The following NALF1 variants were observed in gnomAD, a reference collection of about 807,000 sequenced individuals.
The protein encoded by NALF1 is NALCN channel auxiliary factor 1, also known as family with sequence similarity 155 member A.
Under a neutral mutation model 48.4 loss-of-function variants are expected in NALF1, and 3 were observed. That is an observed-to-expected ratio of 0.06 (90% CI 0.03 to 0.16). The LOEUF (loss-of-function observed/expected upper bound fraction) is 0.16. Among genes scored for constraint, NALF1 ranks in the 10% least tolerant of loss-of-function variants. NALF1 has a pLI of 1.00. For synonymous variants in NALF1, 262 were observed against 245.7 expected, an observed-to-expected ratio of 1.07 and a Z score of -0.62; for missense variants, 526 against 571.5, an observed-to-expected ratio of 0.92 and a Z score of 0.81.
chr13:107,608,919 C>A (rs1245562825), intron 1 of NALF1, among the ~76,000 whole-genome samples: 1 of 152,192 alleles, frequency 6.6e-6, no homozygotes, highest in East Asian at 1.9e-4. Flanking sequence ...AAGAGTGGGA[C>A]ACCTGTGCTG....
At chr13:107,205,989 A>G (rs539195252) in intron 2 of NALF1, among the ~76,000 whole-genome samples, 2 of 152,160 alleles carry the variant, frequency 1.3e-5, no homozygotes, top group South Asian at 2.1e-4. Context: ...TCCAAAAACG[A>G]CTTCCACCCC....
intron 1 of NALF1, among the ~76,000 whole-genome samples, chr13:107,424,328 G>T (rs1884242652): frequency 6.6e-6 from 1 of 151,990 alleles, no homozygotes; most frequent in Admixed American, 6.6e-5. Context: ...TCTAGAGATG[G>T]AGTTTTGCCA....
chr13:107,544,647 C>T (rs1295281067), intron 1 of NALF1, among the ~76,000 whole-genome samples: 2 of 152,086 alleles, frequency 1.3e-5, no homozygotes, highest in African/African-American at 2.4e-5. Flanking sequence ...CTTCACAGGA[C>T]CCTTGGTTCT....
At chr13:107,634,394 C>T (rs1879919310) in intron 1 of NALF1, among the ~76,000 whole-genome samples, 1 of 152,070 alleles carries the variant, frequency 6.6e-6, no homozygotes, top group African/African-American at 2.4e-5. Context: ...AACAAAATTG[C>T]ACTTGTACTC....
intron 1 of NALF1, among the ~76,000 whole-genome samples, chr13:107,747,100 C>T (rs1317893118): frequency 1.3e-5 from 2 of 152,180 alleles, no homozygotes; most frequent in South Asian, 2.1e-4. Context: ...ATGGAGCCCA[C>T]ATGCATGTAC....
At chr13:107,704,904 T>C (rs984162967) in intron 1 of NALF1, among the ~76,000 whole-genome samples, 2 of 152,116 alleles carry the variant, frequency 1.3e-5, no homozygotes, top group African/African-American at 4.8e-5. Context: ...TCATTACCTG[T>C]TTGTCTCACT....
At chr13:107,345,649 A>T (rs1882757826) in intron 1 of NALF1, among the ~76,000 whole-genome samples, 1 of 152,206 alleles carries the variant, frequency 6.6e-6, no homozygotes, top group South Asian at 2.1e-4. Flanking sequence ...AAATGGATTA[A>T]GTGCCTACAT....
At chr13:107,846,654 A>G (rs1880181082) in intron 1 of NALF1, among the ~76,000 whole-genome samples, 1 of 152,252 alleles carries the variant, frequency 6.6e-6, no homozygotes, top group Non-Finnish European at 1.5e-5. Context: ...AAGAATATCT[A>G]GCATTCCAGA....
At chr13:107,638,580 G>C (rs1425308189) in intron 1 of NALF1, among the ~76,000 whole-genome samples, 2 of 152,050 alleles carry the variant, frequency 1.3e-5, no homozygotes, top group Non-Finnish European at 2.9e-5. Flanking sequence ...TGAGCTTATT[G>C]CTGAATAAGA....
At chr13:107,628,051 T>TGATC (rs1260770256) in intron 1 of NALF1, among the ~76,000 whole-genome samples, 1 of 152,128 alleles carries the variant, frequency 6.6e-6, no homozygotes, top group Admixed American at 6.6e-5. Flanking sequence ...AATGGACAGG[T>TGATC]GATCACACAG....
chr13:107,359,623 TCTTC>T (rs1418790694), intron 1 of NALF1, among the ~76,000 whole-genome samples: 1 of 139,034 alleles, frequency 7.2e-6, no homozygotes. Context: ...TCCCTCCCTC[TCTTC>T]CTTCCTTCCT....
intron 1 of NALF1, among the ~76,000 whole-genome samples, chr13:107,457,770 A>G (rs959275986): frequency 3.3e-5 from 5 of 152,166 alleles, no homozygotes; most frequent in Non-Finnish European, 5.9e-5. Context: ...ATAAACAAAC[A>G]CTTTCCAAGG....
At chr13:107,174,974 C>T (rs1878890298) in intron 2 of NALF1, among the ~76,000 whole-genome samples, 2 of 149,768 alleles carry the variant, frequency 1.3e-5, no homozygotes, top group Non-Finnish European at 1.5e-5. Flanking sequence ...AGCTCCGCCT[C>T]CCGGGTTCAC....
intron 1 of NALF1, among the ~76,000 whole-genome samples, chr13:107,419,640 A>G (rs1217358382): frequency 6.6e-6 from 1 of 152,178 alleles, no homozygotes; most frequent in Non-Finnish European, 1.5e-5. Context: ...CTAATAAAAT[A>G]ATTAAGTGGT....
chr13:107,288,526 C>CTTTTTT (rs368901866), intron 1 of NALF1, among the ~76,000 whole-genome samples: 1 of 119,134 alleles, frequency 8.4e-6, no homozygotes, highest in African/African-American at 3.3e-5. Context: ...AGCCTGAAAA[C>CTTTTTT]TTTTTTTTTT....
At chr13:107,728,392 T>C (rs1405093761) in intron 1 of NALF1, among the ~76,000 whole-genome samples, 1 of 152,186 alleles carries the variant, frequency 6.6e-6, no homozygotes, top group Non-Finnish European at 1.5e-5. Flanking sequence ...GGGACATGGA[T>C]GAAGCTGGAA....
At chr13:107,368,206 C>G (rs1883185276) in intron 1 of NALF1, among the ~76,000 whole-genome samples, 1 of 152,144 alleles carries the variant, frequency 6.6e-6, no homozygotes. Flanking sequence ...GGCAGTATGA[C>G]TCTAAACTGA....
intron 1 of NALF1, among the ~76,000 whole-genome samples, chr13:107,335,322 T>C (rs1004804693): frequency 3.9e-5 from 6 of 152,198 alleles, no homozygotes; most frequent in Non-Finnish European, 7.3e-5. Flanking sequence ...ACAACTTCTA[T>C]TGGGCACTGT....
chr13:107,411,298 CTTGTT>C (rs1883985379), intron 1 of NALF1, among the ~76,000 whole-genome samples: 1 of 98,388 alleles, frequency 1.0e-5, no homozygotes, highest in African/African-American at 3.7e-5. Flanking sequence ...AATGTAGAAT[CTTGTT>C]TTTTTTTTTT....
Sources: allele counts gnomAD v4.1 joint callset (sites outside exome capture counted in the v4.1 genomes callset), GRCh38; gene constraint gnomAD v4.1.1; transcripts MANE v1.5; gene names NCBI Gene and HGNC (gene_info 2026-07-23, HGNC 2026-07-21).